The following ZBTB34 variants were observed in gnomAD, a reference collection of about 807,000 sequenced individuals.
ZBTB34 encodes zinc finger and BTB domain containing 34.
In ZBTB34, 1 loss-of-function variant was observed where a neutral mutation model predicts 33.4. That is an observed-to-expected ratio of 0.03 (90% CI 0.01 to 0.14). ZBTB34 has a LOEUF of 0.14. ZBTB34 is among the 10% of genes least tolerant of loss of function. ZBTB34 has a pLI of 1.00. For missense variants in ZBTB34, 406 were observed against 657.2 expected, an observed-to-expected ratio of 0.62 and a Z score of 4.18; for synonymous variants, 283 against 253.5, an observed-to-expected ratio of 1.12 and a Z score of -1.11.
chr9:126,877,712 A>G (rs2033380375), intron 1 of ZBTB34, among the ~76,000 whole-genome samples: 1 of 152,180 alleles, frequency 6.6e-6, no homozygotes, highest in African/African-American at 2.4e-5. Flanking sequence ...ACTGTTTAAA[A>G]ACACTGTCTT....
intron 1 of ZBTB34, among the ~76,000 whole-genome samples, chr9:126,872,244 C>T (rs1407438696): frequency 1.3e-5 from 2 of 152,344 alleles, no homozygotes; most frequent in South Asian, 2.1e-4. Context: ...AGCCACCGCG[C>T]CCGGCCTACA....
At chr9:126,862,557 C>G (rs911106729) in intron 1 of ZBTB34, among the ~76,000 whole-genome samples, 11 of 152,192 alleles carry the variant, frequency 7.2e-5, no homozygotes, top group African/African-American at 2.7e-4. Context: ...GTTACGGCTT[C>G]TTGGGTTTTG....
chr9:126,866,555 A>G (rs2033204494), intron 1 of ZBTB34, among the ~76,000 whole-genome samples: 1 of 152,104 alleles, frequency 6.6e-6, no homozygotes, highest in South Asian at 2.1e-4. Context: ...TTGTTCAAAA[A>G]TATCTTCCTC....
chr9:126,875,503 C>T lies in ZBTB34; in HGVS notation c.-10-3887C>T, dbSNP rs528718701. 2.8e-3 allele frequency among the ~76,000 whole-genome samples: 424 copies of T among 152,152 alleles called. 3 individuals are homozygous for T. The highest frequency in any genetic ancestry group is 5.2e-3 in the Non-Finnish European group (355 of 68,002). On this transcript the variant is annotated intron_variant, in intron 1 of 1. Transcript: ENST00000319119. ...TGTTCTCTCTCTTCATTTATACAGG[C>T]TTTTGTCCATATTAAAATGAGTTGT...
chr9:126,876,897 A>G (rs1443346465), intron 1 of ZBTB34, among the ~76,000 whole-genome samples: 2 of 151,896 alleles, frequency 1.3e-5, no homozygotes, highest in Non-Finnish European at 2.9e-5. Flanking sequence ...TCGATGTGAT[A>G]AAAAAAAATT....
At chr9:126,861,245 G>GA (rs2033139799) in intron 1 of ZBTB34, among the ~76,000 whole-genome samples, 1 of 152,198 alleles carries the variant, frequency 6.6e-6, no homozygotes, top group Non-Finnish European at 1.5e-5. Flanking sequence ...AGGTAAACAG[G>GA]CGGCGGCGAC....
intron 1 of ZBTB34, among the ~76,000 whole-genome samples, chr9:126,869,124 A>C (rs189508605): frequency 1.9e-4 from 29 of 152,196 alleles, no homozygotes; most frequent in Non-Finnish European, 3.1e-4. Flanking sequence ...ATCTTGATGG[A>C]TATTACTAAA....
In ZBTB34 at chr9:126,865,471, T is replaced by C. The variant is rs563408748; in HGVS notation, c.-11+4732T>C. Among the ~76,000 whole-genome samples, 5 of 152,364 alleles carry C rather than the reference T, an allele frequency of 3.3e-5. No homozygotes were observed. The East Asian group carries it at 9.6e-4, about 29-fold the overall frequency. ...TACATTTTTACTTTTGTTCTGGTTG[T>C]TGATATGTGGAGACAGTTCCAAGGC... On this transcript the variant is annotated intron_variant, in intron 1 of 1. Coordinates refer to ENST00000319119, the Ensembl canonical transcript of ZBTB34.
intron 1 of ZBTB34, among the ~76,000 whole-genome samples, chr9:126,868,073 G>C (rs1257386127): frequency 6.6e-6 from 1 of 152,142 alleles, no homozygotes; most frequent in Non-Finnish European, 1.5e-5. Context: ...ACCCTTCTCA[G>C]CCTCAGCCGT....
At chr9:126,866,731 T>C (rs978589486) in intron 1 of ZBTB34, among the ~76,000 whole-genome samples, 1 of 152,142 alleles carries the variant, frequency 6.6e-6, no homozygotes. Context: ...GATTCCTTGG[T>C]TTAAAAAATT....
chr9:126,883,074 C>A (rs746342842), exon 2 of ZBTB34: 9 of 166,860 alleles, frequency 5.4e-5, no homozygotes, highest in Admixed American at 2.6e-4. Context: ...TGTTCAACTC[C>A]TGTTAAAGCC....
At chr9:126,867,756 CA>C (rs1231197377) in intron 1 of ZBTB34, among the ~76,000 whole-genome samples, 2 of 147,370 alleles carry the variant, frequency 1.4e-5, no homozygotes, top group Non-Finnish European at 3.0e-5. Context: ...TGTTGTCTTT[CA>C]TTTTTTTGTT....
intron 1 of ZBTB34, among the ~76,000 whole-genome samples, chr9:126,862,518 C>A (rs893733286): frequency 2.6e-5 from 4 of 152,190 alleles, no homozygotes; most frequent in African/African-American, 9.7e-5. Context: ...CTCTGCTTCT[C>A]CAAGTCTGTC....
chr9:126,880,491 T>C lies in ZBTB34; in HGVS notation c.1092T>C (p.Ser364=). 1.2e-6 allele frequency: 2 copies of C among 1,612,472 alleles called. No homozygotes were observed. Among genetic ancestry groups the C allele is most frequent in the South Asian group, 1.1e-5 (1 of 91,004 alleles). Residue 364 remains serine (S), a synonymous_variant, in exon 2 of 2, where the codon AGT becomes AGC. Coordinates refer to ENST00000319119, the Ensembl canonical transcript of ZBTB34. This position sits in a 1 kb window ranked among gnomAD's most constrained non-coding sequence, Gnocchi z 6.7. Reference sequence around the variant, plus strand: ...ATGAGAGCAGTCCCCGGGAGAGGAGTGCGAGAGGGCATTGGTACCCGTACA... The same window carrying C: ...ATGAGAGCAGTCCCCGGGAGAGGAGCGCGAGAGGGCATTGGTACCCGTACA...
chr9:126,885,519 C>T (rs550216938), exon 2 of ZBTB34: 14 of 166,940 alleles, frequency 8.4e-5, no homozygotes, highest in African/African-American at 3.1e-4. Flanking sequence ...CATTTTTTTC[C>T]GTTATAAATG....
At chr9:126,881,129 G>A in exon 2 of ZBTB34, 1 of 561,214 alleles carries the variant, frequency 1.8e-6, no homozygotes, top group Middle Eastern at 4.9e-4. Context: ...CGCATCCAGG[G>A]AAAACACAGG....
At chr9:126,871,582 G>A (rs2033280240) in intron 1 of ZBTB34, among the ~76,000 whole-genome samples, 2 of 151,578 alleles carry the variant, frequency 1.3e-5, no homozygotes, top group Admixed American at 6.6e-5. Context: ...TGCCCACCTC[G>A]GCCTCCCAAA....
chr9:126,863,790 C>A, intron 1 of ZBTB34: 1 of 843,338 alleles, frequency 1.2e-6, no homozygotes, highest in Non-Finnish European at 1.4e-6. Flanking sequence ...GAAATGCTAG[C>A]CAGCAGTAAG....
intron 1 of ZBTB34, among the ~76,000 whole-genome samples, chr9:126,876,161 TCCTTC>T (rs2033354748): frequency 1.7e-4 from 1 of 5,944 alleles, no homozygotes; most frequent in Non-Finnish European, 3.1e-4. Context: ...TTCCCTTCCG[TCCTTC>T]CCCCCTTCCC....
Sources: gnomAD v4.1 joint callset for allele counts (sites outside exome capture counted in the v4.1 genomes callset) on GRCh38, gnomAD v4.1.1 for gene constraint, Gnocchi (gnomAD v3.1) non-coding constraint, MANE v1.5 for transcripts, NCBI Gene and HGNC (gene_info 2026-07-23, HGNC 2026-07-21) for gene names.